WDHD1: variants seen among roughly 807,000 people sequenced by gnomAD.
WDHD1 encodes WD repeat and HMG-box DNA-binding protein 1.
Under a neutral mutation model 135.4 loss-of-function variants are expected in WDHD1, and 111 were observed. That is an observed-to-expected ratio of 0.82 (90% CI 0.70 to 0.96). The LOEUF is 0.96. Ranked by LOEUF, WDHD1 falls within the 40% of genes least tolerant of loss-of-function variation. WDHD1 has a pLI of 0.00. For synonymous variants in WDHD1, 434 were observed against 439.0 expected (o/e 0.99, Z 0.14); for missense variants, 1,351 against 1,336.3 (o/e 1.01, Z -0.17).
intron 10 of WDHD1, 77 bp from the exon 11 acceptor site, chr14:54,995,890 T>A: frequency 8.7e-7 from 1 of 1,147,094 alleles, no homozygotes; most frequent in Non-Finnish European, 1.2e-6. Flanking sequence ...GGTAAACTTT[T>A]AATATGCACC....
intron 2 of WDHD1, among the ~76,000 whole-genome samples, chr14:55,018,218 C>T (rs1247148001): frequency 6.6e-6 from 1 of 152,102 alleles, no homozygotes; most frequent in African/African-American, 2.4e-5. Context: ...TAGTTGAAAA[C>T]AGACATCTTT....
At chr14:54,963,684 CA>C (rs756432892) in intron 18 of WDHD1, among the ~76,000 whole-genome samples, 2 of 149,026 alleles carry the variant, frequency 1.3e-5, no homozygotes, top group Non-Finnish European at 3.0e-5. Context: ...CCTGTAATCC[CA>C]GCTACTCGGG....
At chr14:54,998,186 C>G (rs1051319725) in intron 10 of WDHD1, among the ~76,000 whole-genome samples, 10 of 149,034 alleles carry the variant, frequency 6.7e-5, no homozygotes, top group African/African-American at 2.5e-4. Context: ...GCCTGGGCAA[C>G]AGAAGGAGAC....
rs114300699 is a variant in WDHD1, at chr14:54,971,998, G to A, written c.2064-4604C>T. Among the ~76,000 whole-genome samples the A allele has an allele frequency of 5.3e-3, 806 of 152,064 alleles. 10 individuals are homozygous for A. Among genetic ancestry groups the A allele is most frequent in the African/African-American group, 0.018 (762 of 41,478 alleles). On this transcript the variant is annotated intron_variant, in intron 16 of 25. Transcript: ENST00000360586. ...AACCAGTAGTTTCAGACCAGCCTGG[G>A]CAACATGGCAAGACATGTAATCCCA...
intron 16 of WDHD1, among the ~76,000 whole-genome samples, chr14:54,975,108 G>A (rs565527556): frequency 4.6e-5 from 7 of 152,252 alleles, no homozygotes; most frequent in African/African-American, 1.2e-4. Flanking sequence ...TAGGAAAAAT[G>A]TCTAGTTTTC....
chr14:54,987,644 G>A (rs1161815901), intron 13 of WDHD1, among the ~76,000 whole-genome samples: 2 of 151,510 alleles, frequency 1.3e-5, no homozygotes, highest in Non-Finnish European at 2.9e-5. Context: ...TTTTGAAATG[G>A]AGTTTTGCTC....
At chr14:54,966,164 TAAAAA>T (rs34071862) in intron 18 of WDHD1, among the ~76,000 whole-genome samples, 1 of 67,196 alleles carries the variant, frequency 1.5e-5, no homozygotes, top group Non-Finnish European at 2.5e-5. Context: ...CCATCTCTAC[TAAAAA>T]AAAAAAAAAA....
chr14:54,945,805 C>T (rs2040913940), intron 24 of WDHD1, among the ~76,000 whole-genome samples: 1 of 152,210 alleles, frequency 6.6e-6, no homozygotes, highest in African/African-American at 2.4e-5. Context: ...TCCCAAAGTG[C>T]TGGGATTACA....
At chr14:55,021,157 C>G (rs985703375) in intron 2 of WDHD1, among the ~76,000 whole-genome samples, 1 of 152,200 alleles carries the variant, frequency 6.6e-6, no homozygotes, top group African/African-American at 2.4e-5. Context: ...TGTTTCTATA[C>G]AGTACCAATC....
chr14:54,978,208 C>T (rs1485442840), intron 16 of WDHD1, among the ~76,000 whole-genome samples: 6 of 152,104 alleles, frequency 3.9e-5, no homozygotes, highest in South Asian at 2.1e-4. Flanking sequence ...TTCTTTAATT[C>T]AAATTACTAA....
chr14:54,953,447 G>A (rs1463347737), intron 24 of WDHD1, among the ~76,000 whole-genome samples: 1 of 152,160 alleles, frequency 6.6e-6, no homozygotes, highest in East Asian at 1.9e-4. Context: ...AGTTAGAATG[G>A]CAATCATTAA....
At chr14:54,966,170 A>T (rs908112278) in intron 18 of WDHD1, among the ~76,000 whole-genome samples, 61 of 148,210 alleles carry the variant, frequency 4.1e-4, no homozygotes, top group African/African-American at 1.3e-3. Context: ...CTACTAAAAA[A>T]AAAAAAAAAA....
intron 14 of WDHD1, among the ~76,000 whole-genome samples, chr14:54,985,271 T>G (rs2041678339): frequency 6.6e-6 from 1 of 152,204 alleles, no homozygotes; most frequent in Non-Finnish European, 1.5e-5. Flanking sequence ...CAGAGTGGTT[T>G]GTTAGACTGG....
chr14:55,025,161 G>C (rs1246015809), intron 2 of WDHD1, among the ~76,000 whole-genome samples: 1 of 137,860 alleles, frequency 7.3e-6, no homozygotes, highest in Non-Finnish European at 1.6e-5. Context: ...GCTTTGTAAA[G>C]CATTGAGATG....
rs768024781 is a variant in WDHD1 at position 54,981,701 on chromosome 14, ACAC to A, written c.1907-8_1907-6del. 6.3e-7 allele frequency: 1 copy of A among 1,593,964 alleles called. No homozygotes were observed. The highest frequency in any genetic ancestry group is 1.1e-5 in the South Asian group (1 of 90,044). On this transcript the variant is annotated splice_region_variant and splice_polypyrimidine_tract_variant and intron_variant, in intron 15 of 25. Coordinates refer to ENST00000360586, the MANE Select transcript of WDHD1 (RefSeq NM_007086.4). Reference sequence around the variant, plus strand: ...AATCCACGTAACAAGGGGTACCTAAACACCAACAGAAAAATCACTTGGAGACAT... The same window carrying A: ...AATCCACGTAACAAGGGGTACCTAAACAACAGAAAAATCACTTGGAGACAT...
At chr14:54,969,448 A>G (rs1308979465) in intron 16 of WDHD1, among the ~76,000 whole-genome samples, 19 of 152,192 alleles carry the variant, frequency 1.2e-4, no homozygotes, top group African/African-American at 7.2e-5. Context: ...GAACTTCTGC[A>G]CAGCAAAGAA....
Position 54,957,136 on chromosome 14 carries a change from A to G in WDHD1, c.2814T>C (p.Asn938=), listed in dbSNP as rs770004503. 3.1e-6 allele frequency: 5 copies of G among 1,614,158 alleles called. No individual in the cohort carries two copies. In the Admixed American group the frequency reaches 8.3e-5, roughly 27 times the overall value. The change falls in exon 23 of 26, where the codon AAT becomes AAC. Residue 938 remains asparagine (N), a synonymous_variant. Transcript: ENST00000360586. ...TGGATTTCTTGGATGATTTGCCCATATTGTCTAAAATATTAGTTGAACGTG... is the reference window on the plus strand; with the variant it reads ...TGGATTTCTTGGATGATTTGCCCATGTTGTCTAAAATATTAGTTGAACGTG... ...NSARSTNILD[N]MGKSSKKSTA...
intron 2 of WDHD1, among the ~76,000 whole-genome samples, chr14:55,018,839 A>G (rs1177828397): frequency 1.3e-5 from 2 of 152,028 alleles, no homozygotes; most frequent in Non-Finnish European, 2.9e-5. Context: ...CCTGACCAAC[A>G]ATGGAGAAAC....
chr14:55,001,017 T>TGTTTTTGTAAAACATTTTGTAAAAA, intron 8 of WDHD1, 25 bp from the exon 9 acceptor site: 1 of 1,397,234 alleles, frequency 7.2e-7, no homozygotes. Flanking sequence ...AGTTAATAAA[T>TGTTTTTGTAAAACATTTTGTAAAAA]AATGATTTTG....
Sources: gnomAD v4.1 joint callset for allele counts (sites outside exome capture counted in the v4.1 genomes callset) on GRCh38, gnomAD v4.1.1 for gene constraint, MANE v1.5 for transcripts, NCBI Gene and HGNC (gene_info 2026-07-23, HGNC 2026-07-21) for gene names.